The following C1QTNF9 variants were observed in gnomAD, a reference collection of about 807,000 sequenced individuals.
The protein encoded by C1QTNF9 is C1q and TNF related 9.
C1QTNF9 carries 6 observed loss-of-function variants against 10.1 expected under a neutral mutation model. That is an observed-to-expected ratio of 0.59 (90% CI 0.32 to 1.17). The LOEUF (loss-of-function observed/expected upper bound fraction) is 1.17. Among genes scored for constraint, C1QTNF9 ranks in the 50% most tolerant of loss-of-function variants. The probability of loss-of-function intolerance (pLI) is 0.04; values close to 1 mark genes in which losing one functional copy is unlikely to be tolerated. For synonymous variants in C1QTNF9, 98 were observed against 163.5 expected, an observed-to-expected ratio of 0.60 and a Z score of 3.06; for missense variants, 201 against 418.8, an observed-to-expected ratio of 0.48 and a Z score of 4.54.
rs369453137 is a variant in C1QTNF9 at position 24,318,888 on chromosome 13, G to A, written c.229+8G>A. On this transcript the variant is annotated splice_region_variant and intron_variant, in intron 3 of 3. Coordinates refer to ENST00000332018, the Ensembl canonical transcript of C1QTNF9. ...GAGAGAAGGGAGAACGAGGTTAGTAGTTCCTATTTATGGTGCTCTAATTCT... is the reference window on the plus strand; with the variant it reads ...GAGAGAAGGGAGAACGAGGTTAGTAATTCCTATTTATGGTGCTCTAATTCT... 840 of 1,614,196 alleles carry A rather than the reference G, an allele frequency of 5.2e-4. 1 individual carries two copies. In the African/African-American group the frequency reaches 0.01, roughly 20 times the overall value.
rs1213252590 is a variant in C1QTNF9 at position 24,321,638 on chromosome 13, TTGTC to T, written c.873_876del (p.Val292CysfsTer3). ...TCTGAGGACCAGGCCTCTGGCGGCA[TTGTC>T]CTGCAGCTGAAGCTCGGGGATGAGG... is the stretch of plus-strand genomic sequence containing the variant. On this transcript the variant is annotated frameshift_variant, in exon 4 of 4. Transcript: ENST00000332018. LOFTEE classifies it high-confidence loss of function. 1 of 1,614,080 alleles carries T rather than the reference TTGTC, an allele frequency of 6.2e-7. No homozygotes were observed. The highest frequency in any genetic ancestry group is 8.5e-7 in the Non-Finnish European group (1 of 1,180,040).
intron 2 of C1QTNF9, among the ~76,000 whole-genome samples, chr13:24,318,293 T>A (rs1300623260): frequency 2.0e-5 from 3 of 152,216 alleles, no homozygotes; most frequent in Admixed American, 2.0e-4. Flanking sequence ...TTTCCCCCAG[T>A]GTAAGGCACT....
At position 24,321,048 on chromosome 13, in the gene C1QTNF9, A is replaced by C. The variant is rs1444932881; in HGVS notation, c.282A>C (p.Arg94Ser). 1 of 1,566,796 alleles carries C rather than the reference A, an allele frequency of 6.4e-7. No homozygotes were observed. The highest frequency in any genetic ancestry group is 1.4e-5 in the African/African-American group (1 of 70,998). ...GCATCAAAGGTGATCAAGGCTCAAG[A>C]GGATCCCCAGGAAAACATGGCCCCA... The change falls in exon 4 of 4, where the codon AGA (arginine) becomes AGC (serine). Residue 94 changes from arginine to serine, a missense_variant. Physicochemically the swap from Arg to Ser is moderately radical, Grantham distance 110. Coordinates refer to ENST00000332018, the Ensembl canonical transcript of C1QTNF9.
chr13:24,312,989 A>G (rs1355014898), intron 1 of C1QTNF9, among the ~76,000 whole-genome samples: 1 of 151,778 alleles, frequency 6.6e-6, no homozygotes, highest in Non-Finnish European at 1.5e-5. Flanking sequence ...AATAGTGCCA[A>G]CCTAGGTGGT....
chr13:24,310,911 C>CAAAA (rs58299891), intron 1 of C1QTNF9, among the ~76,000 whole-genome samples: 8 of 83,042 alleles, frequency 9.6e-5, no homozygotes, highest in African/African-American at 3.4e-4. Context: ...GGCTCTGTCT[C>CAAAA]AAAAAAAAAA....
At chr13:24,318,746 G>A in intron 2 of C1QTNF9, 72 bp from the exon 3 acceptor site, 2 of 1,601,726 alleles carry the variant, frequency 1.2e-6, no homozygotes, top group South Asian at 1.1e-5. Flanking sequence ...ACACATGGCT[G>A]ATGGAGACCA....
chr13:24,316,151 G>C (rs1327218652), exon 2 of C1QTNF9: 1 of 1,605,422 alleles, frequency 6.2e-7, no homozygotes, highest in South Asian at 1.1e-5. Context: ...CGGAGCGAAG[G>C]GTGACAAAGG....
At chr13:24,316,147 G>A (rs775483145) in exon 2 of C1QTNF9, 13 of 1,606,944 alleles carry the variant, frequency 8.1e-6, no homozygotes, top group African/African-American at 2.7e-5. Context: ...GAGACGGAGC[G>A]AAGGGTGACA....
chr13:24,307,633 A>G (rs924316245), upstream of C1QTNF9, among the ~76,000 whole-genome samples: 2 of 152,196 alleles, frequency 1.3e-5, no homozygotes, highest in Non-Finnish European at 2.9e-5. Flanking sequence ...TGCTCCTCCC[A>G]ACCTTGGGCT....
Position 24,318,861 on chromosome 13 carries a change from T to G in C1QTNF9, c.210T>G (p.Ser70Arg), listed in dbSNP as rs1593535924. ...GCAGCCCGGGGAAGGATGGGACGAG[T>G]GGAGAGAAGGGAGAACGAGGTTAGT... The change falls in exon 3 of 4, where the codon AGT (serine) becomes AGG (arginine). Residue 70 changes from serine to arginine, a missense_variant. Coordinates refer to ENST00000332018, the Ensembl canonical transcript of C1QTNF9. 2.5e-6 allele frequency: 4 copies of G among 1,614,110 alleles called. No homozygotes were observed. The East Asian group carries it at 6.7e-5, about 27-fold the overall frequency.
At chr13:24,310,357 G>A (rs1462342238) in intron 1 of C1QTNF9, among the ~76,000 whole-genome samples, 4 of 145,858 alleles carry the variant, frequency 2.7e-5, no homozygotes, top group East Asian at 2.1e-4. Context: ...TAGAAACGGG[G>A]TTTCACTGTG....
intron 2 of C1QTNF9, 103 bp downstream of exon 2, chr13:24,316,272 C>T (rs1878030780): frequency 6.7e-7 from 1 of 1,493,478 alleles, no homozygotes; most frequent in Admixed American, 1.8e-5. Flanking sequence ...ACTCACACCC[C>T]ATCCATCCAT....
At chr13:24,315,835 C>T (rs1206771616) in intron 1 of C1QTNF9, 147 bp from the exon 2 acceptor site, 3 of 800,920 alleles carry the variant, frequency 3.7e-6, no homozygotes, top group African/African-American at 1.8e-5. Flanking sequence ...GCTTGCTCCC[C>T]TGCCCTGAGC....
intron 3 of C1QTNF9, among the ~76,000 whole-genome samples, chr13:24,319,222 A>G (rs567998898): frequency 1.3e-5 from 2 of 152,302 alleles, no homozygotes; most frequent in South Asian, 2.1e-4. Context: ...TGTATTGTGG[A>G]ATATTATTTG....
intron 1 of C1QTNF9, among the ~76,000 whole-genome samples, chr13:24,313,549 C>G (rs1877915045): frequency 6.6e-6 from 1 of 152,132 alleles, no homozygotes; most frequent in Non-Finnish European, 1.5e-5. Flanking sequence ...TCCAAGAAAA[C>G]TCAACTCAAT....
chr13:24,321,688 GGA>G lies in C1QTNF9; in HGVS notation c.928_929del (p.Arg310ValfsTer7), dbSNP rs1878280742. On this transcript the variant is annotated frameshift_variant, in exon 4 of 4. Coordinates refer to ENST00000332018, the Ensembl canonical transcript of C1QTNF9. LOFTEE classifies it high-confidence loss of function. ...TGAGGTGTGGCTGCAGGTGACAGGA[GGA>G]GAGAGGTTCAATGGCTTGTTTGCTG... 1 of 1,613,474 alleles carries G rather than the reference GGA, an allele frequency of 6.2e-7. No homozygotes were observed. The highest frequency in any genetic ancestry group is 8.5e-7 in the Non-Finnish European group (1 of 1,179,668).
At chr13:24,313,065 C>T (rs1237570741) in intron 1 of C1QTNF9, among the ~76,000 whole-genome samples, 1 of 151,906 alleles carries the variant, frequency 6.6e-6, no homozygotes, top group African/African-American at 2.4e-5. Context: ...CCTAGAAGTT[C>T]GAGTCCAGCC....
intron 2 of C1QTNF9, among the ~76,000 whole-genome samples, 161 bp from the exon 3 acceptor site, chr13:24,318,657 A>C (rs1878134546): frequency 6.6e-6 from 1 of 152,268 alleles, no homozygotes; most frequent in South Asian, 2.1e-4. Context: ...ATGCCCGCTC[A>C]TGCCTGCCTC....
intron 2 of C1QTNF9, among the ~76,000 whole-genome samples, chr13:24,316,754 G>A (rs549992941): frequency 5.3e-5 from 8 of 152,312 alleles, no homozygotes; most frequent in Non-Finnish European, 2.9e-5. Flanking sequence ...CTGGGGGACA[G>A]GATTCAGCCT....
Sources: allele counts gnomAD v4.1 joint callset (sites outside exome capture counted in the v4.1 genomes callset), GRCh38; gene constraint gnomAD v4.1.1; transcripts MANE v1.5; gene names NCBI Gene and HGNC (gene_info 2026-07-23, HGNC 2026-07-21).